Variants in SHROOM3 observed in about 807,000 individuals in gnomAD.
SHROOM3 encodes protein Shroom3.
Under a neutral mutation model 138.6 loss-of-function variants are expected in SHROOM3, and 47 were observed. The observed-to-expected ratio is 0.34, with a 90% CI of 0.27 to 0.43. The LOEUF is 0.43. SHROOM3 is among the 20% of genes least tolerant of loss of function. The pLI is 1.00. For synonymous variants in SHROOM3, 1,062 were observed against 1,063.3 expected (o/e 1.00, Z 0.02); for missense variants, 2,491 against 2,596.5 (o/e 0.96, Z 0.88).
At chr4:76,638,253 T>A (rs1015929827) in intron 2 of SHROOM3, among the ~76,000 whole-genome samples, 15 of 152,232 alleles carry the variant, frequency 9.9e-5, no homozygotes, top group African/African-American at 3.6e-4. Context: ...TTCCAATGCA[T>A]GGGTTGCCTC....
At chr4:76,705,307 AAACAAC>A (rs147261587) in intron 2 of SHROOM3, among the ~76,000 whole-genome samples, 41,849 of 150,860 alleles carry the variant, frequency 0.28, 6,118 homozygotes, top group African/African-American at 0.37. Flanking sequence ...CCGTCTCTAC[AAACAAC>A]AACAACAACA....
intron 2 of SHROOM3, among the ~76,000 whole-genome samples, chr4:76,684,322 G>C (rs114275652): frequency 3.3e-5 from 5 of 152,102 alleles, no homozygotes; most frequent in Non-Finnish European, 7.4e-5. Flanking sequence ...TTTGTGTTCC[G>C]TGTCTCCATA....
At chr4:76,644,095 C>T (rs1051941689) in intron 2 of SHROOM3, among the ~76,000 whole-genome samples, 6 of 152,028 alleles carry the variant, frequency 3.9e-5, no homozygotes, top group African/African-American at 1.2e-4. Flanking sequence ...CTGCCCTCCT[C>T]GGCCTCCCAA....
At chr4:76,773,067 G>C (rs1722416543) in intron 10 of SHROOM3, among the ~76,000 whole-genome samples, 1 of 152,046 alleles carries the variant, frequency 6.6e-6, no homozygotes, top group Non-Finnish European at 1.5e-5. Flanking sequence ...GTGATTGCTT[G>C]GTTTTGTTTT....
At chr4:76,637,970 G>A (rs769477907) in intron 2 of SHROOM3, among the ~76,000 whole-genome samples, 5 of 152,096 alleles carry the variant, frequency 3.3e-5, no homozygotes, top group South Asian at 2.1e-4. Context: ...TGGTAGCTCC[G>A]GGGAAGTAGT....
At chr4:76,483,287 C>T (rs1239624200) in intron 1 of SHROOM3, among the ~76,000 whole-genome samples, 6 of 152,222 alleles carry the variant, frequency 3.9e-5, no homozygotes, top group African/African-American at 1.2e-4. Flanking sequence ...ATACAAAGAA[C>T]TTAAACAAAT....
At chr4:76,457,440 A>G (rs536390353) in intron 1 of SHROOM3, among the ~76,000 whole-genome samples, 6 of 151,756 alleles carry the variant, frequency 4.0e-5, no homozygotes, top group South Asian at 4.2e-4. Context: ...AAAAGCTGCT[A>G]TGCTTCCTGT....
chr4:76,649,627 G>A (rs2110087597), intron 2 of SHROOM3, among the ~76,000 whole-genome samples: 1 of 152,184 alleles, frequency 6.6e-6, no homozygotes, highest in East Asian at 1.9e-4. Context: ...AATATCAGAA[G>A]GATAACTCTA....
chr4:76,622,603 T>C (rs1735032242), intron 2 of SHROOM3, among the ~76,000 whole-genome samples: 1 of 152,130 alleles, frequency 6.6e-6, no homozygotes, highest in African/African-American at 2.4e-5. Flanking sequence ...ATATAGATTA[T>C]ATTTTTGGCT....
chr4:76,633,671 A>G (rs898305498), intron 2 of SHROOM3, among the ~76,000 whole-genome samples: 5 of 150,522 alleles, frequency 3.3e-5, no homozygotes, highest in Non-Finnish European at 7.4e-5. Flanking sequence ...AAAAAAAAAA[A>G]AAAAAAAGAA....
intron 5 of SHROOM3, among the ~76,000 whole-genome samples, chr4:76,745,798 T>C (rs1444888224): frequency 6.6e-6 from 1 of 152,134 alleles, no homozygotes; most frequent in African/African-American, 2.4e-5. Context: ...CTGGCCAACA[T>C]GGCAAAAACC....
At position 76,740,033 on chromosome 4, in the gene SHROOM3, C is replaced by T. The variant is rs1721193310; in HGVS notation, c.1860C>T (p.Ser620=). The change falls in exon 5 of 11, where the codon TCC becomes TCT. Residue 620 remains serine, a synonymous_variant. Coordinates refer to ENST00000296043, the MANE Select transcript of SHROOM3 (RefSeq NM_020859.4). This position sits in a 1 kb window ranked among gnomAD's most constrained non-coding sequence, Gnocchi z 4.0. ...AAGCGGGTGAAGACAAGAGATCTTC[C>T]AGGCTCTCAGAGCCCTGGGAGGGCG... ...AWQAGEDKRS[S]RLSEPWEGDF... 3 of 1,613,798 alleles carry T rather than the reference C, an allele frequency of 1.9e-6. No homozygotes were observed. The highest frequency in any genetic ancestry group is 1.7e-5 in the Admixed American group (1 of 60,012).
At chr4:76,611,102 A>G (rs1175380663) in intron 2 of SHROOM3, among the ~76,000 whole-genome samples, 3 of 152,150 alleles carry the variant, frequency 2.0e-5, no homozygotes, top group African/African-American at 7.2e-5. Flanking sequence ...TAACCATTTT[A>G]AGTGTATAAT....
chr4:76,679,403 C>T (rs1719128468), intron 2 of SHROOM3, among the ~76,000 whole-genome samples: 1 of 152,172 alleles, frequency 6.6e-6, no homozygotes, highest in Non-Finnish European at 1.5e-5. Context: ...CAGGCAGCTT[C>T]TCAGACAGGG....
intron 1 of SHROOM3, among the ~76,000 whole-genome samples, chr4:76,536,716 T>C (rs909676543): frequency 4.6e-5 from 7 of 152,220 alleles, no homozygotes; most frequent in African/African-American, 1.7e-4. Flanking sequence ...GTCCTTTTTC[T>C]TTTCACTTCT....
At chr4:76,522,318 C>CT (rs1465339811) in intron 1 of SHROOM3, among the ~76,000 whole-genome samples, 1 of 149,146 alleles carries the variant, frequency 6.7e-6, no homozygotes, top group Non-Finnish European at 1.5e-5. Flanking sequence ...ACCAGTGTAG[C>CT]TTTTTTTAGT....
chr4:76,713,084 G>A (rs1720277774), intron 3 of SHROOM3, among the ~76,000 whole-genome samples: 1 of 152,258 alleles, frequency 6.6e-6, no homozygotes, highest in Non-Finnish European at 1.5e-5. Flanking sequence ...GAGAGTCAGC[G>A]AGTGAGTGGT....
At chr4:76,735,872 TATATATA>T (rs1721054758) in intron 4 of SHROOM3, among the ~76,000 whole-genome samples, 2 of 21,084 alleles carry the variant, frequency 9.5e-5, no homozygotes, top group East Asian at 2.0e-3. Context: ...AAAAAAAATA[TATATATA>T]TATATATATA....
At chr4:76,465,684 A>T (rs1731235760) in intron 1 of SHROOM3, among the ~76,000 whole-genome samples, 1 of 152,208 alleles carries the variant, frequency 6.6e-6, no homozygotes, top group South Asian at 2.1e-4. Flanking sequence ...CATCTCTTGC[A>T]CATCTGGTTC....
Sources: gnomAD v4.1 joint callset for allele counts (sites outside exome capture counted in the v4.1 genomes callset) on GRCh38, gnomAD v4.1.1 for gene constraint, Gnocchi (gnomAD v3.1) non-coding constraint, MANE v1.5 for transcripts, NCBI Gene and HGNC (gene_info 2026-07-23, HGNC 2026-07-21) for gene names.